Variants in PTK2B observed in about 807,000 individuals in gnomAD.
PTK2B encodes the protein protein tyrosine kinase 2 beta, also known as protein-tyrosine kinase 2-beta.
PTK2B carries 71 observed loss-of-function variants against 142.9 expected under a neutral mutation model. That is an observed-to-expected ratio of 0.50 (90% CI 0.41 to 0.61). PTK2B has a LOEUF of 0.61. Among genes scored for constraint, PTK2B ranks in the 20% least tolerant of loss-of-function variants. The pLI is 0.00. For missense variants in PTK2B, 1,105 were observed against 1,320.4 expected (o/e 0.84, Z 2.53); for synonymous variants, 519 against 503.4 (o/e 1.03, Z -0.42).
intron 29 of PTK2B, 95 bp from the exon 30 acceptor site, chr8:27,454,436 G>A: frequency 3.2e-6 from 5 of 1,555,160 alleles, no homozygotes; most frequent in Admixed American, 1.7e-5. Context: ...CACTCGCGGG[G>A]GACAAGCACC....
chr8:27,356,287 C>G (rs10102753), intron 1 of PTK2B, among the ~76,000 whole-genome samples: 1 of 151,930 alleles, frequency 6.6e-6, no homozygotes, highest in Non-Finnish European at 1.5e-5. Context: ...GCTTACTGAC[C>G]GTATTGGGCC....
At chr8:27,335,632 T>C (rs1804013478) in intron 1 of PTK2B, among the ~76,000 whole-genome samples, 1 of 151,388 alleles carries the variant, frequency 6.6e-6, no homozygotes. Flanking sequence ...GAAAAATGCT[T>C]TCTGCACCCA....
rs377518029 is a variant in PTK2B, at chr8:27,450,739, G to T, written c.2341-10G>T. 1.2e-6 allele frequency: 2 copies of T among 1,614,068 alleles called. No individual in the cohort carries two copies. On this transcript the variant is annotated splice_polypyrimidine_tract_variant and intron_variant, in intron 24 of 30. Transcript: ENST00000346049. ...TTGCATCCTCTCCCTTCTCTCTGCC[G>T]TCCTCCCAGGAGGAGGACTTCATCC...
Position 27,451,754 on chromosome 8 carries a change from C to T in PTK2B, c.2548+245C>T, listed in dbSNP as rs561669044. 35 of 1,366,600 alleles carry T rather than the reference C, an allele frequency of 2.6e-5. No homozygotes were observed. In the South Asian group the frequency reaches 5.5e-4, roughly 22 times the overall value. The allele number at this position is 1,366,600 out of a possible 1,614,324, so 84.7% of individuals were successfully genotyped here. A position where few individuals can be genotyped will look rare whatever the true frequency, so the allele number is the denominator to read the frequency against. On this transcript the variant is annotated intron_variant, in intron 27 of 30. Coordinates refer to ENST00000346049, the MANE Select transcript of PTK2B (RefSeq NM_173176.3). ...GTGGCCACATCCTTAGGCCCCTCCT[C>T]AGATCATCCCCCTCCTGCATTAGTT...
chr8:27,437,816 G>A lies in PTK2B; in HGVS notation c.1579G>A (p.Val527Met), dbSNP rs116574797. 72 of 1,613,610 alleles carry A rather than the reference G, an allele frequency of 4.5e-5. No homozygotes were observed. The African/African-American group carries it at 6.5e-4, about 15-fold the overall frequency. ...GAACTCCCTGAAGGTGCTCACCCTC[G>A]TGCTGTACTCACTGCAGATATGCAA... is the stretch of plus-strand genomic sequence containing the variant. ...NKNSLKVLTL[V>M]LYSLQICKAM... The change falls in exon 18 of 31, where the codon GTG becomes ATG. Residue 527 changes from valine to methionine, a missense_variant. Physicochemically the swap from Val to Met is conservative, Grantham distance 21. Transcript: ENST00000346049.
At chr8:27,406,188 T>C (rs1808702904) in intron 2 of PTK2B, among the ~76,000 whole-genome samples, 1 of 152,224 alleles carries the variant, frequency 6.6e-6, no homozygotes, top group Admixed American at 6.5e-5. Flanking sequence ...TCTGTGTCTC[T>C]TTTCTGTATC....
At chr8:27,377,883 A>G (rs1198301920) in intron 1 of PTK2B, among the ~76,000 whole-genome samples, 2 of 152,146 alleles carry the variant, frequency 1.3e-5, no homozygotes, top group Non-Finnish European at 2.9e-5. Flanking sequence ...CTCCTCCCCT[A>G]CTTAACACTA....
intron 1 of PTK2B, among the ~76,000 whole-genome samples, chr8:27,344,032 A>G (rs770759059): frequency 6.6e-6 from 1 of 152,142 alleles, no homozygotes; most frequent in Non-Finnish European, 1.5e-5. Context: ...AAATAAAAAA[A>G]TAAAAATTTT....
intron 1 of PTK2B, among the ~76,000 whole-genome samples, chr8:27,390,883 C>T (rs983529143): frequency 1.9e-4 from 29 of 150,388 alleles, no homozygotes; most frequent in African/African-American, 7.0e-4. Context: ...GATCACACAA[C>T]GGGTCCATGG....
At chr8:27,319,787 G>C (rs1803171620) in intron 3 of PTK2B, among the ~76,000 whole-genome samples, 1 of 152,032 alleles carries the variant, frequency 6.6e-6, no homozygotes, top group Non-Finnish European at 1.5e-5. Flanking sequence ...TTTTATACAT[G>C]AGAAAATTGA....
intron 1 of PTK2B, among the ~76,000 whole-genome samples, chr8:27,356,746 G>C (rs1470517073): frequency 6.6e-6 from 1 of 152,210 alleles, no homozygotes; most frequent in African/African-American, 2.4e-5. Flanking sequence ...ACAAACTATT[G>C]ACACGGGCAA....
At chr8:27,316,681 C>T (rs994243118) in intron 3 of PTK2B, among the ~76,000 whole-genome samples, 2 of 152,088 alleles carry the variant, frequency 1.3e-5, no homozygotes, top group South Asian at 2.1e-4. Context: ...CACTGTAGTC[C>T]GATGTACCTT....
intron 2 of PTK2B, among the ~76,000 whole-genome samples, chr8:27,401,299 C>CCAAGGCAGAGGGGGCTTTAT (rs1808373192): frequency 6.6e-6 from 1 of 152,062 alleles, no homozygotes; most frequent in East Asian, 1.9e-4. Flanking sequence ...TCTGAGGAGC[C>CCAAGGCAGAGGGGGCTTTAT]CAAGGCAGAG....
At position 27,432,351 on chromosome 8, in the gene PTK2B, G is replaced by A. The variant is rs139089526; in HGVS notation, c.977G>A (p.Gly326Asp). ...GQAVLQLGIE[G>D]APQALSIKTS... ...GCAGTACTTCAGCTGGGCATTGAAG[G>A]TGCCCCCCAGGTGAGTGTCTCTGGG... Residue 326 changes from glycine (G) to aspartate (D), a missense_variant, in exon 10 of 31, where the codon GGT (glycine) becomes GAT (aspartate). Physicochemically the swap from Gly to Asp is moderately conservative, Grantham distance 94. Coordinates refer to ENST00000346049, the MANE Select transcript of PTK2B (RefSeq NM_173176.3). 6 of 1,613,666 alleles carry A rather than the reference G, an allele frequency of 3.7e-6. No individual in the cohort carries two copies. In the African/African-American group the frequency reaches 6.7e-5, roughly 18 times the overall value.
Position 27,458,409 on chromosome 8 carries a change from T to A in PTK2B, c.2930T>A (p.Leu977Gln), listed in dbSNP as rs1812287569. The A allele has an allele frequency of 6.2e-7, 1 of 1,612,916 alleles. No homozygotes were observed. Among genetic ancestry groups the A allele is most frequent in the Non-Finnish European group, 8.5e-7 (1 of 1,179,460 alleles). ...AGTGAGGAGTGCAAGAGGCAGATGC[T>A]GACGGCTTCACACACCCTGGCTGTG... ...SLSEECKRQM[L>Q]TASHTLAVDA... The change falls in exon 31 of 31, where the codon CTG (leucine) becomes CAG (glutamine). Residue 977 changes from leucine (L) to glutamine (Q), a missense_variant. Transcript: ENST00000346049.
chr8:27,344,340 G>C (rs545668624), intron 1 of PTK2B, among the ~76,000 whole-genome samples: 1 of 152,178 alleles, frequency 6.6e-6, no homozygotes, highest in Non-Finnish European at 1.5e-5. Context: ...GGTTAGAAGC[G>C]AGGGCTTCTC....
intron 1 of PTK2B, among the ~76,000 whole-genome samples, chr8:27,359,062 GATT>G (rs1401516198): frequency 2.0e-5 from 3 of 151,868 alleles, no homozygotes; most frequent in African/African-American, 7.3e-5. Context: ...TAGCCATTAG[GATT>G]ATTATCTTGG....
At chr8:27,386,920 ACATG>A (rs1476482605) in intron 1 of PTK2B, among the ~76,000 whole-genome samples, 4 of 151,076 alleles carry the variant, frequency 2.6e-5, no homozygotes, top group African/African-American at 9.7e-5. Flanking sequence ...TCTGTTTATT[ACATG>A]TATCATAAAA....
At chr8:27,425,584 T>G (rs1348785716) in intron 5 of PTK2B, among the ~76,000 whole-genome samples, 1 of 152,108 alleles carries the variant, frequency 6.6e-6, no homozygotes, top group Non-Finnish European at 1.5e-5. Flanking sequence ...CCCACCAAAG[T>G]GGTGCATTTG....
Sources: allele counts gnomAD v4.1 joint callset (sites outside exome capture counted in the v4.1 genomes callset), GRCh38; gene constraint gnomAD v4.1.1; transcripts MANE v1.5; gene names NCBI Gene and HGNC (gene_info 2026-07-23, HGNC 2026-07-21).